Variants in TLN2 observed in about 807,000 individuals in gnomAD.
TLN2 encodes the protein talin-2.
A neutral mutation model predicts 294.7 loss-of-function variants in TLN2; 118 were observed. The ratio of observed to expected loss-of-function variants is 0.40; its 90% CI spans 0.34 to 0.47. The LOEUF (loss-of-function observed/expected upper bound fraction) is 0.47, where lower values mean the gene tolerates loss of function less well. Among genes scored for constraint, TLN2 ranks in the 20% least tolerant of loss-of-function variants. The probability of loss-of-function intolerance (pLI) is 0.84; values close to 1 mark genes in which losing one functional copy is unlikely to be tolerated. For synonymous variants in TLN2, 1,431 were observed against 1,304.5 expected, an observed-to-expected ratio of 1.10 and a Z score of -2.09; for missense variants, 3,083 against 3,282.2, an observed-to-expected ratio of 0.94 and a Z score of 1.48.
At chr15:62,434,484 C>T (rs547443398) in intron 1 of TLN2, among the ~76,000 whole-genome samples, 82 of 152,096 alleles carry the variant, frequency 5.4e-4, no homozygotes, top group Non-Finnish European at 9.3e-4. Context: ...CTTGTGCATG[C>T]GCGCGCTCTT....
At chr15:62,550,783 A>G (rs1020272975) in intron 1 of TLN2, among the ~76,000 whole-genome samples, 3 of 152,160 alleles carry the variant, frequency 2.0e-5, no homozygotes, top group South Asian at 2.1e-4. Context: ...TCCCCATCTC[A>G]TGGATGGTGT....
At chr15:62,460,073 T>C (rs2036708834) in intron 1 of TLN2, among the ~76,000 whole-genome samples, 1 of 152,152 alleles carries the variant, frequency 6.6e-6, no homozygotes, top group South Asian at 2.1e-4. Flanking sequence ...AGGTGCTGCA[T>C]CAGCCTCAGG....
chr15:62,655,573 A>C (rs2053112163), intron 7 of TLN2, among the ~76,000 whole-genome samples: 2 of 81,934 alleles, frequency 2.4e-5, no homozygotes, highest in Non-Finnish European at 2.5e-5. Context: ...AGCATATTAT[A>C]CATTCATTGT....
At chr15:62,592,591 C>A (rs2046166608) in intron 2 of TLN2, among the ~76,000 whole-genome samples, 1 of 152,186 alleles carries the variant, frequency 6.6e-6, no homozygotes, top group Non-Finnish European at 1.5e-5. Context: ...CTAGGAGGAG[C>A]TTTTATTTTG....
At chr15:62,756,708 A>G (rs62004630) in intron 37 of TLN2, among the ~76,000 whole-genome samples, 36,169 of 151,912 alleles carry the variant, frequency 0.24, 4,320 homozygotes, top group East Asian at 0.27. Flanking sequence ...AGAGGATAGG[A>G]CACTGCACAC....
chr15:62,654,820 G>T (rs56376861), intron 7 of TLN2, among the ~76,000 whole-genome samples: 46,638 of 145,046 alleles, frequency 0.32, 7,701 homozygotes, highest in East Asian at 0.63. Flanking sequence ...ATTTTCTACA[G>T]CCACACAGTT....
intron 57 of TLN2, among the ~76,000 whole-genome samples, chr15:62,836,816 TATAAA>T (rs1172893789): frequency 2.0e-5 from 3 of 152,250 alleles, no homozygotes; most frequent in Admixed American, 6.5e-5. Context: ...TTTATCTACA[TATAAA>T]ATAATTTTGT....
intron 45 of TLN2, among the ~76,000 whole-genome samples, chr15:62,790,099 T>C (rs568611586): frequency 2.6e-5 from 4 of 152,346 alleles, no homozygotes; most frequent in African/African-American, 9.6e-5. Context: ...TCTTTATGCA[T>C]GTAACAGGAT....
At chr15:62,710,803 G>A (rs2059382670) in intron 21 of TLN2, among the ~76,000 whole-genome samples, 1 of 126,608 alleles carries the variant, frequency 7.9e-6, no homozygotes, top group Non-Finnish European at 1.6e-5. Flanking sequence ...TCAGCTCACT[G>A]CAAGCTCCGC....
chr15:62,511,488 A>G (rs1240714740), intron 1 of TLN2, among the ~76,000 whole-genome samples: 2 of 152,148 alleles, frequency 1.3e-5, no homozygotes, highest in Non-Finnish European at 1.5e-5. Flanking sequence ...TTAAAATGCT[A>G]CTTTTCTTCG....
chr15:62,789,835 A>G (rs912237639), intron 45 of TLN2, among the ~76,000 whole-genome samples: 2 of 152,200 alleles, frequency 1.3e-5, no homozygotes, highest in African/African-American at 2.4e-5. Context: ...GTTTGCCCCT[A>G]GTGTCACTTT....
chr15:62,458,114 T>C (rs559949635), intron 1 of TLN2, among the ~76,000 whole-genome samples: 1 of 152,262 alleles, frequency 6.6e-6, no homozygotes, highest in East Asian at 1.9e-4. Context: ...GAGTCAACGG[T>C]AGAGCCTTTA....
chr15:62,673,706 T>C (rs1263266208), intron 9 of TLN2, 121 bp from the exon 10 acceptor site: 1 of 682,538 alleles, frequency 1.5e-6, no homozygotes, highest in Non-Finnish European at 2.5e-6. Context: ...CTGTTATTAA[T>C]TACTCTATAA....
chr15:62,562,077 AC>A (rs1411451365), intron 1 of TLN2, among the ~76,000 whole-genome samples: 1 of 152,154 alleles, frequency 6.6e-6, no homozygotes, highest in African/African-American at 2.4e-5. Context: ...AATTCGCGAT[AC>A]CTGGCACATA....
intron 1 of TLN2, among the ~76,000 whole-genome samples, chr15:62,508,028 A>G (rs2039718226): frequency 1.3e-5 from 2 of 152,032 alleles, no homozygotes; most frequent in African/African-American, 4.8e-5. Flanking sequence ...TTCTGTATGT[A>G]TTCTGGAATC....
intron 2 of TLN2, among the ~76,000 whole-genome samples, chr15:62,594,582 T>C (rs898792152): frequency 9.2e-5 from 14 of 152,200 alleles, no homozygotes; most frequent in African/African-American, 3.4e-4. Context: ...CAATAAATAG[T>C]GTTGGGACAA....
chr15:62,535,555 G>GT (rs2041296614), intron 1 of TLN2, among the ~76,000 whole-genome samples: 1 of 132,140 alleles, frequency 7.6e-6, no homozygotes, highest in Admixed American at 7.8e-5. Flanking sequence ...TAGATAACTT[G>GT]ATTTTTTTTT....
Position 62,456,985 on chromosome 15 carries a change from T to C in TLN2, c.-238+66300T>C, listed in dbSNP as rs548339150. ...AGGGCATCGTGCCTCACAAGCTACT[T>C]TTTACAACCTGTGAATGCTTGACAC... On this transcript the variant is annotated intron_variant, in intron 1 of 58. Transcript: ENST00000636159. Among the ~76,000 whole-genome samples the C allele has an allele frequency of 7.2e-5, 11 of 152,296 alleles. No homozygotes were observed. The South Asian group carries it at 1.9e-3, about 26-fold the overall frequency.
intron 3 of TLN2, among the ~76,000 whole-genome samples, chr15:62,642,963 A>C (rs1032685806): frequency 6.6e-6 from 1 of 152,060 alleles, no homozygotes; most frequent in Non-Finnish European, 1.5e-5. Context: ...CGGCCTCCCA[A>C]AGTGCTGGGA....
Sources: allele counts gnomAD v4.1 joint callset (sites outside exome capture counted in the v4.1 genomes callset), GRCh38; gene constraint gnomAD v4.1.1; transcripts MANE v1.5; gene names NCBI Gene and HGNC (gene_info 2026-07-23, HGNC 2026-07-21).